The following SV2C variants were observed in gnomAD, a reference collection of about 807,000 sequenced individuals.
SV2C encodes the protein solute carrier family 22 member B3.
In SV2C, 49 loss-of-function variants were observed where a neutral mutation model predicts 79.7. The ratio of observed to expected loss-of-function variants is 0.61; its 90% CI spans 0.49 to 0.78. The LOEUF (loss-of-function observed/expected upper bound fraction) is 0.78. SV2C is among the 30% of genes least tolerant of loss of function. The probability of loss-of-function intolerance (pLI) is 0.00; values close to 1 mark genes in which losing one functional copy is unlikely to be tolerated. For missense variants in SV2C, 833 were observed against 912.9 expected, an observed-to-expected ratio of 0.91 and a Z score of 1.13; for synonymous variants, 334 against 333.2, an observed-to-expected ratio of 1.00 and a Z score of -0.03.
intron 2 of SV2C, among the ~76,000 whole-genome samples, chr5:76,148,155 G>T (rs143419868): frequency 8.5e-5 from 13 of 152,284 alleles, no homozygotes; most frequent in African/African-American, 1.4e-4. Context: ...CAAGTTCAAG[G>T]TTCTGGAAGA....
At chr5:75,932,476 G>A in the SV2C span, among the ~76,000 whole-genome samples, 2 of 152,202 alleles carry the variant, frequency 1.3e-5, no homozygotes, top group African/African-American at 4.8e-5. Flanking sequence ...ACAGCCTTCA[G>A]AGCTGAGAGC....
At chr5:76,036,509 A>G in the SV2C span, among the ~76,000 whole-genome samples, 1 of 151,940 alleles carries the variant, frequency 6.6e-6, no homozygotes, top group African/African-American at 2.4e-5. Context: ...TATGAAGCTT[A>G]GTTTGGCTGG....
chr5:76,004,750 G>A, the SV2C span, among the ~76,000 whole-genome samples: 5 of 152,034 alleles, frequency 3.3e-5, no homozygotes, highest in Non-Finnish European at 5.9e-5. Context: ...ATGACCCCGC[G>A]AATAAACAGA....
At chr5:76,195,593 C>T (rs1021033681) in intron 3 of SV2C, among the ~76,000 whole-genome samples, 1 of 152,150 alleles carries the variant, frequency 6.6e-6, no homozygotes, top group African/African-American at 2.4e-5. Context: ...AAGTTCCTGA[C>T]TTCTGTTGAA....
chr5:75,907,954 C>T, the SV2C span, among the ~76,000 whole-genome samples: 1 of 152,154 alleles, frequency 6.6e-6, no homozygotes, highest in Non-Finnish European at 1.5e-5. Context: ...TTCATAGGAG[C>T]ACTAATGGGA....
At chr5:75,950,025 A>G in the SV2C span, among the ~76,000 whole-genome samples, 18,906 of 151,966 alleles carry the variant, frequency 0.12, 3,312 homozygotes, top group African/African-American at 0.39. Flanking sequence ...TGAGATGGGG[A>G]GAACCAGGAG....
intron 1 of SV2C, among the ~76,000 whole-genome samples, chr5:76,084,999 G>C (rs1747132729): frequency 6.6e-6 from 1 of 152,244 alleles, no homozygotes; most frequent in Non-Finnish European, 1.5e-5. Flanking sequence ...GAGCCTTAAG[G>C]AGATGAGACC....
chr5:76,280,741 G>T (rs928492887), intron 4 of SV2C, among the ~76,000 whole-genome samples: 1 of 152,200 alleles, frequency 6.6e-6, no homozygotes, highest in Admixed American at 6.5e-5. Context: ...GGACCTGCCC[G>T]GGTGTGGGGG....
At chr5:75,885,458 G>A in the SV2C span, among the ~76,000 whole-genome samples, 2 of 152,118 alleles carry the variant, frequency 1.3e-5, no homozygotes, top group Non-Finnish European at 1.5e-5. Context: ...GATTGCCTAA[G>A]CTGAGGGTTT....
upstream of SV2C, chr5:76,079,567 C>A (rs1284947335): frequency 1.2e-5 from 4 of 321,732 alleles, no homozygotes; most frequent in African/African-American, 2.2e-5. Context: ...TGATTTTTGA[C>A]CCATGAATGA....
At chr5:75,989,481 G>A in the SV2C span, among the ~76,000 whole-genome samples, 3 of 152,160 alleles carry the variant, frequency 2.0e-5, no homozygotes, top group Non-Finnish European at 4.4e-5. Context: ...TTTTGTGGCT[G>A]CATAGTATTT....
chr5:76,082,756 T>A (rs1561207337), upstream of SV2C, among the ~76,000 whole-genome samples: 2 of 151,974 alleles, frequency 1.3e-5, no homozygotes, highest in Non-Finnish European at 2.9e-5. Flanking sequence ...CCAGCGAAGT[T>A]TTCTTCTGTT....
the SV2C span, among the ~76,000 whole-genome samples, chr5:76,036,654 C>T: frequency 2.6e-5 from 4 of 152,158 alleles, no homozygotes; most frequent in African/African-American, 9.7e-5. Flanking sequence ...GTAACCCAAC[C>T]TTTGTCTCTG....
the SV2C span, among the ~76,000 whole-genome samples, chr5:76,012,653 T>C: frequency 6.6e-6 from 1 of 152,236 alleles, no homozygotes. Flanking sequence ...CCATCACTTT[T>C]GGTGTTTTAG....
rs143593871 is a variant in SV2C, at chr5:76,167,232, T to G, written c.581-27687T>G. 2.9e-3 allele frequency among the ~76,000 whole-genome samples: 447 copies of G among 152,366 alleles called. 2 individuals are homozygous for G. The highest frequency in any genetic ancestry group is 0.01 in the African/African-American group (417 of 41,584). On this transcript the variant is annotated intron_variant, in intron 2 of 12. Transcript: ENST00000502798. ...CACTGGGAAATTCACTTTACTAATT[T>G]CTATTCCTTGTTCTATTGACAAATT...
In SV2C at chr5:76,086,272, C is replaced by G. The variant is rs115196313; in HGVS notation, c.-102+2760C>G. Among the ~76,000 whole-genome samples the G allele has an allele frequency of 8.6e-3, 1,310 of 152,236 alleles. 25 individuals carry two copies. Among genetic ancestry groups the G allele is most frequent in the African/African-American group, 0.029 (1,207 of 41,534 alleles). On this transcript the variant is annotated intron_variant, in intron 1 of 12. Transcript: ENST00000502798. ...TCATAATGTGCAATATATCACGTGA[C>G]GACAAGTACCAGAAAACCCATTTCC...
the SV2C span, among the ~76,000 whole-genome samples, chr5:75,947,297 T>C: frequency 6.6e-6 from 1 of 152,064 alleles, no homozygotes; most frequent in African/African-American, 2.4e-5. Flanking sequence ...CTCCAAATTA[T>C]GTCTTTGGAG....
chr5:76,187,276 T>G (rs1373234106), intron 2 of SV2C, among the ~76,000 whole-genome samples: 6 of 152,212 alleles, frequency 3.9e-5, no homozygotes, highest in Non-Finnish European at 8.8e-5. Context: ...GGCTTCATTA[T>G]TAGGCCTCTT....
intron 3 of SV2C, among the ~76,000 whole-genome samples, chr5:76,199,591 G>T (rs909237019): frequency 6.6e-6 from 1 of 152,206 alleles, no homozygotes; most frequent in Non-Finnish European, 1.5e-5. Flanking sequence ...AAATTCCAAA[G>T]GGCTGGGACT....
Sources: allele counts gnomAD v4.1 joint callset (sites outside exome capture counted in the v4.1 genomes callset), GRCh38; gene constraint gnomAD v4.1.1; transcripts MANE v1.5; gene names NCBI Gene and HGNC (gene_info 2026-07-23, HGNC 2026-07-21).